The following SMAD6 variants were observed in gnomAD, a reference collection of about 807,000 sequenced individuals.
SMAD6 encodes the protein MAD homolog 6.
SMAD6 carries 103 observed loss-of-function variants against 39.4 expected under a neutral mutation model. That is an observed-to-expected ratio of 2.62 (90% CI 2.23 to 3.08). The LOEUF (loss-of-function observed/expected upper bound fraction) is 3.08, where lower values mean the gene tolerates loss of function less well. Ranked by LOEUF, SMAD6 falls within the 30% of genes most tolerant of loss-of-function variation. The probability of loss-of-function intolerance (pLI) is 0.00; values close to 1 mark genes in which losing one functional copy is unlikely to be tolerated. For missense variants in SMAD6, 1,104 were observed against 742.9 expected (o/e 1.49, Z -5.65); for synonymous variants, 445 against 353.3 (o/e 1.26, Z -2.91).
intron 3 of SMAD6, among the ~76,000 whole-genome samples, chr15:66,719,684 T>C (rs186956958): frequency 2.0e-5 from 3 of 152,144 alleles, no homozygotes; most frequent in South Asian, 2.1e-4. Flanking sequence ...TTGAGGCCAC[T>C]TGGGGGAAGG....
chr15:66,704,441 T>G, intron 1 of SMAD6: 25 of 177,042 alleles, frequency 1.4e-4, no homozygotes, highest in East Asian at 2.9e-4. Context: ...TTCCGGAATC[T>G]ACCCCAGTCT....
At chr15:66,762,002 C>T (rs763113124) in intron 3 of SMAD6, among the ~76,000 whole-genome samples, 10 of 152,166 alleles carry the variant, frequency 6.6e-5, no homozygotes, top group East Asian at 1.9e-4. Flanking sequence ...CAGGCTGCGG[C>T]GTCTTCAGGC....
chr15:66,716,616 TC>T, intron 3 of SMAD6, 118 bp downstream of exon 3: 2 of 803,690 alleles, frequency 2.5e-6, no homozygotes, highest in South Asian at 2.9e-5. Context: ...TCCCTTTTCC[TC>T]CAATCCTTGG....
intron 2 of SMAD6, among the ~76,000 whole-genome samples, chr15:66,713,238 T>C (rs753832516): frequency 2.0e-5 from 3 of 152,194 alleles, no homozygotes; most frequent in Non-Finnish European, 4.4e-5. Flanking sequence ...TTCCACCAAG[T>C]GACCACAAAA....
intron 3 of SMAD6, among the ~76,000 whole-genome samples, chr15:66,731,507 A>G (rs2469077): frequency 0.72 from 109,768 of 151,656 alleles, 39,696 homozygotes; most frequent in East Asian, 0.84. Flanking sequence ...AGCTGCTGGC[A>G]TTCAGCCATC....
intron 3 of SMAD6, among the ~76,000 whole-genome samples, chr15:66,759,372 C>T (rs772646969): frequency 2.5e-4 from 38 of 152,056 alleles, no homozygotes; most frequent in Admixed American, 5.2e-4. Context: ...TATTCATGAA[C>T]AACACAGCAA....
chr15:66,723,091 G>A (rs2140614781), intron 3 of SMAD6, among the ~76,000 whole-genome samples: 1 of 152,258 alleles, frequency 6.6e-6, no homozygotes, highest in African/African-American at 2.4e-5. Flanking sequence ...AAGAGCTAGG[G>A]CTTCTCTCCT....
intron 2 of SMAD6, among the ~76,000 whole-genome samples, chr15:66,715,628 C>T (rs1171213008): frequency 6.6e-6 from 1 of 152,178 alleles, no homozygotes; most frequent in Non-Finnish European, 1.5e-5. Flanking sequence ...GTCGGCCTGT[C>T]CCAAAAGGCA....
chr15:66,751,410 C>G (rs1408785084), intron 3 of SMAD6, among the ~76,000 whole-genome samples: 1 of 152,214 alleles, frequency 6.6e-6, no homozygotes, highest in African/African-American at 2.4e-5. Context: ...CAGGACTATT[C>G]ATTCCCACTC....
intron 3 of SMAD6, among the ~76,000 whole-genome samples, chr15:66,727,014 C>G (rs985402799): frequency 6.6e-6 from 1 of 152,094 alleles, no homozygotes; most frequent in African/African-American, 2.4e-5. Context: ...AGCCCCTGGC[C>G]GGTGCCTGAT....
chr15:66,712,510 C>G (rs1297632529), intron 2 of SMAD6, among the ~76,000 whole-genome samples: 1 of 151,978 alleles, frequency 6.6e-6, no homozygotes, highest in Non-Finnish European at 1.5e-5. Flanking sequence ...GAAACCCTGT[C>G]TCTACTAAAA....
intron 3 of SMAD6, among the ~76,000 whole-genome samples, chr15:66,773,870 G>A (rs565157245): frequency 1.3e-5 from 2 of 152,280 alleles, no homozygotes; most frequent in African/African-American, 4.8e-5. Context: ...GGTAGGGTCT[G>A]GGCCTGTCTG....
At position 66,782,663 on chromosome 15, in the gene SMAD6, C is replaced by G; in HGVS notation, c.*1128C>G. The G allele has an allele frequency of 6.6e-6, 1 of 152,128 alleles. No individual in the cohort carries two copies. Among genetic ancestry groups the G allele is most frequent in the East Asian group, 1.9e-4 (1 of 5,196 alleles). The allele number at this position is 152,128 out of a possible 1,614,324, so 9.4% of individuals were successfully genotyped here. ...TAGAAGTTACATGGAATTGTAGGAC[C>G]AGAGCCATATCATTAGATCAGCTTT... On this transcript the variant is annotated 3_prime_UTR_variant, in exon 4 of 4. Coordinates refer to ENST00000288840, the MANE Select transcript of SMAD6 (RefSeq NM_005585.5).
chr15:66,720,475 G>A (rs1893412851), intron 3 of SMAD6, among the ~76,000 whole-genome samples: 1 of 152,132 alleles, frequency 6.6e-6, no homozygotes, highest in Non-Finnish European at 1.5e-5. Context: ...GCCTGAAGTG[G>A]CAGGGCTGCT....
intron 3 of SMAD6, among the ~76,000 whole-genome samples, chr15:66,775,179 C>T (rs1017709041): frequency 1.3e-5 from 2 of 151,978 alleles, no homozygotes; most frequent in Admixed American, 6.6e-5. Flanking sequence ...TGATTTACGT[C>T]GCCGTAGATT....
At chr15:66,714,435 C>T (rs116155797) in intron 2 of SMAD6, among the ~76,000 whole-genome samples, 6 of 152,160 alleles carry the variant, frequency 3.9e-5, no homozygotes, top group African/African-American at 1.4e-4. Flanking sequence ...CTGAAAATTA[C>T]GTGAAATTCA....
chr15:66,751,300 C>T (rs926664810), intron 3 of SMAD6, among the ~76,000 whole-genome samples: 5 of 152,136 alleles, frequency 3.3e-5, no homozygotes, highest in South Asian at 2.1e-4. Flanking sequence ...CTTGGTAGCC[C>T]GTGGCTCTGG....
chr15:66,730,291 T>G (rs1893604760), intron 3 of SMAD6, among the ~76,000 whole-genome samples: 2 of 152,168 alleles, frequency 1.3e-5, no homozygotes, highest in African/African-American at 4.8e-5. Context: ...TCTGACAGCT[T>G]CTTTTCTTTG....
At chr15:66,706,365 CCTTTT>C (rs1253236856) in intron 1 of SMAD6, 3 of 152,308 alleles carry the variant, frequency 2.0e-5, no homozygotes, top group African/African-American at 7.2e-5. Flanking sequence ...AAGTCTCCTC[CCTTTT>C]CTTTGCTAGC....
Sources: allele counts gnomAD v4.1 joint callset (sites outside exome capture counted in the v4.1 genomes callset), GRCh38; gene constraint gnomAD v4.1.1; transcripts MANE v1.5; gene names NCBI Gene and HGNC (gene_info 2026-07-23, HGNC 2026-07-21).